The following VWC2 variants were observed in gnomAD, a reference collection of about 807,000 sequenced individuals.
VWC2 encodes the protein brorin.
In VWC2, 14 loss-of-function variants were observed where a neutral mutation model predicts 29.8. That is an observed-to-expected ratio of 0.47 (90% CI 0.31 to 0.74). The LOEUF is 0.74. Among genes scored for constraint, VWC2 ranks in the 30% least tolerant of loss-of-function variants. The pLI is 0.05. For synonymous variants in VWC2, 213 were observed against 199.0 expected (o/e 1.07, Z -0.59); for missense variants, 457 against 459.8 (o/e 0.99, Z 0.05).
intron 3 of VWC2, among the ~76,000 whole-genome samples, chr7:49,843,565 A>C (rs115376447): frequency 0.012 from 1,754 of 152,274 alleles, 32 homozygotes; most frequent in African/African-American, 0.039. Context: ...CAAAAAACTA[A>C]TCATTCAATG....
At chr7:49,799,351 C>G (rs1402686094) in intron 2 of VWC2, among the ~76,000 whole-genome samples, 7 of 152,216 alleles carry the variant, frequency 4.6e-5, no homozygotes, top group Non-Finnish European at 1.0e-4. Flanking sequence ...GGTAGGGGTC[C>G]CGGAATGTCC....
At position 49,918,482 on chromosome 7, in the gene VWC2, A is replaced by T. The variant is rs995598489; in HGVS notation, c.*6297A>T. ...GTCACAAAAATGTTGTAGCCTCCCTAGTCTAAATGCTTATGCTATATTTTG... is the reference window on the plus strand; with the variant it reads ...GTCACAAAAATGTTGTAGCCTCCCTTGTCTAAATGCTTATGCTATATTTTG... On this transcript the variant is annotated 3_prime_UTR_variant, in exon 4 of 4. Coordinates refer to ENST00000340652, the MANE Select transcript of VWC2 (RefSeq NM_198570.5). 1.3e-4 allele frequency: 20 copies of T among 152,212 alleles called. No individual in the cohort carries two copies. The highest frequency in any genetic ancestry group is 4.3e-4 in the African/African-American group (18 of 41,456). The allele number at this position is 152,212 out of a possible 1,614,324, so 9.4% of individuals were successfully genotyped here.
intron 3 of VWC2, among the ~76,000 whole-genome samples, chr7:49,805,188 G>T (rs1434269517): frequency 6.6e-6 from 1 of 152,120 alleles, no homozygotes. Context: ...TTGCATTGAT[G>T]GTTTTGGGAG....
intron 3 of VWC2, among the ~76,000 whole-genome samples, chr7:49,910,143 T>C (rs956763391): frequency 1.3e-5 from 2 of 151,582 alleles, no homozygotes; most frequent in Non-Finnish European, 2.9e-5. Flanking sequence ...GAAAACAGAG[T>C]TCAGGGAGGG....
chr7:49,920,162 T>C lies in VWC2; in HGVS notation c.*7977T>C, dbSNP rs1410553591. 4.6e-5 allele frequency: 7 copies of C among 152,028 alleles called. No individual in the cohort carries two copies. The South Asian group carries it at 1.0e-3, about 23-fold the overall frequency. 9.4% of individuals were successfully genotyped at this position (152,028 alleles called of 1,614,324 possible). ...ATGGAAGCAAAATGGAACAGAGCAA[T>C]ATAGAGCAAAACAGAGGTTTGTCTG... On this transcript the variant is annotated 3_prime_UTR_variant, in exon 4 of 4. Transcript: ENST00000340652.
intron 3 of VWC2, among the ~76,000 whole-genome samples, chr7:49,902,658 C>G (rs1420415778): frequency 6.6e-6 from 1 of 151,490 alleles, no homozygotes; most frequent in East Asian, 1.9e-4. Context: ...GTATAACATT[C>G]TTATGAAATA....
At chr7:49,844,850 G>A (rs758835361) in intron 3 of VWC2, among the ~76,000 whole-genome samples, 1 of 151,908 alleles carries the variant, frequency 6.6e-6, no homozygotes, top group Non-Finnish European at 1.5e-5. Context: ...CCGCCACTAC[G>A]TCCAACTAAA....
rs114079034 is a variant in VWC2, at chr7:49,906,214, A to C, written c.827-5820A>C. On this transcript the variant is annotated intron_variant, in intron 3 of 3. Coordinates refer to ENST00000340652, the MANE Select transcript of VWC2 (RefSeq NM_198570.5). ...TCTTGCATGAAATCCAAGAACCCTCACTTGGGGTGTGGATCAGGACCCCTT... is the reference window on the plus strand; with the variant it reads ...TCTTGCATGAAATCCAAGAACCCTCCCTTGGGGTGTGGATCAGGACCCCTT... 7.6e-3 allele frequency among the ~76,000 whole-genome samples: 1,154 copies of C among 152,268 alleles called. 24 individuals carry two copies. The highest frequency in any genetic ancestry group is 0.026 in the African/African-American group (1,094 of 41,548).
chr7:49,887,692 C>T (rs1445737969), intron 3 of VWC2, among the ~76,000 whole-genome samples: 1 of 148,552 alleles, frequency 6.7e-6, no homozygotes, highest in Admixed American at 6.6e-5. Context: ...CAGAGAGGTT[C>T]ATCCCGGGGC....
chr7:49,856,412 T>C (rs1248924928), intron 3 of VWC2, among the ~76,000 whole-genome samples: 1 of 152,208 alleles, frequency 6.6e-6, no homozygotes, highest in Non-Finnish European at 1.5e-5. Context: ...TATGAGTTCC[T>C]GAGGTTCACC....
chr7:49,799,891 G>C (rs1220228985), intron 2 of VWC2, among the ~76,000 whole-genome samples: 2 of 152,176 alleles, frequency 1.3e-5, no homozygotes, highest in Non-Finnish European at 2.9e-5. Flanking sequence ...AAAACTGTAA[G>C]CAGTTATAAC....
chr7:49,890,249 T>A (rs754827720), intron 3 of VWC2, among the ~76,000 whole-genome samples: 6 of 152,190 alleles, frequency 3.9e-5, no homozygotes, highest in Non-Finnish European at 8.8e-5. Flanking sequence ...GCGTATTTGA[T>A]AAAAACTTTG....
intron 3 of VWC2, among the ~76,000 whole-genome samples, chr7:49,836,805 G>C (rs2128712514): frequency 6.6e-6 from 1 of 152,190 alleles, no homozygotes; most frequent in Admixed American, 6.5e-5. Flanking sequence ...CCAAACCACT[G>C]TTTAGTTGTA....
intron 3 of VWC2, among the ~76,000 whole-genome samples, chr7:49,898,103 C>T (rs886472962): frequency 2.0e-5 from 3 of 151,532 alleles, no homozygotes; most frequent in African/African-American, 7.3e-5. Flanking sequence ...ATTATGTATG[C>T]TTTACATATA....
intron 3 of VWC2, among the ~76,000 whole-genome samples, chr7:49,816,345 T>C (rs557479117): frequency 1.3e-5 from 2 of 152,152 alleles, no homozygotes; most frequent in Admixed American, 6.5e-5. Flanking sequence ...ATTGCAGTGA[T>C]CCAGAGAAGG....
intron 3 of VWC2, among the ~76,000 whole-genome samples, chr7:49,811,125 A>C (rs974768058): frequency 6.8e-6 from 1 of 147,848 alleles, no homozygotes; most frequent in Non-Finnish European, 1.5e-5. Flanking sequence ...CTGATAAAAG[A>C]CTTGTATCCA....
At chr7:49,862,653 G>GT (rs200190931) in intron 3 of VWC2, among the ~76,000 whole-genome samples, 4,174 of 141,214 alleles carry the variant, frequency 0.03, 160 homozygotes, top group South Asian at 0.13. Context: ...ACTTTGATGT[G>GT]TTTTTTTTTT....
intron 3 of VWC2, among the ~76,000 whole-genome samples, chr7:49,806,220 C>A (rs1455105371): frequency 6.6e-6 from 1 of 152,214 alleles, no homozygotes; most frequent in African/African-American, 2.4e-5. Context: ...TGCTTGTCTG[C>A]ATTAAGTAGG....
chr7:49,800,010 CAT>C (rs1402666011), intron 2 of VWC2, among the ~76,000 whole-genome samples: 5 of 152,212 alleles, frequency 3.3e-5, no homozygotes, highest in African/African-American at 1.2e-4. Context: ...TTATGGGGCA[CAT>C]GAGTGCGGCT....
Sources: allele counts gnomAD v4.1 joint callset (sites outside exome capture counted in the v4.1 genomes callset), GRCh38; gene constraint gnomAD v4.1.1; transcripts MANE v1.5; gene names NCBI Gene and HGNC (gene_info 2026-07-23, HGNC 2026-07-21).